DGKB: variants seen among roughly 807,000 people sequenced by gnomAD.
The protein encoded by DGKB is diacylglycerol kinase beta, also known as 90 kDa diacylglycerol kinase.
A neutral mutation model predicts 114.3 loss-of-function variants in DGKB; 67 were observed. That is an observed-to-expected ratio of 0.59 (90% CI 0.48 to 0.72). The LOEUF is 0.72. Among genes scored for constraint, DGKB ranks in the 30% least tolerant of loss-of-function variants. The pLI is 0.00. For synonymous variants in DGKB, 398 were observed against 323.1 expected (o/e 1.23, Z -2.49); for missense variants, 907 against 975.2 (o/e 0.93, Z 0.93).
intron 23 of DGKB, among the ~76,000 whole-genome samples, chr7:14,248,012 G>A (rs1183634142): frequency 6.6e-6 from 1 of 151,926 alleles, no homozygotes; most frequent in Non-Finnish European, 1.5e-5. Flanking sequence ...ATCCATTTTA[G>A]GTTGATTTTT....
intron 21 of DGKB, among the ~76,000 whole-genome samples, chr7:14,350,005 G>A (rs980515417): frequency 6.6e-6 from 1 of 152,074 alleles, no homozygotes; most frequent in Non-Finnish European, 1.5e-5. Context: ...AGTTATTCAT[G>A]TAATTATTAT....
At chr7:14,524,806 A>G (rs1384695965) in intron 20 of DGKB, among the ~76,000 whole-genome samples, 2 of 151,874 alleles carry the variant, frequency 1.3e-5, no homozygotes, top group African/African-American at 2.4e-5. Context: ...CTCTTTCCTG[A>G]TAAGACCACG....
chr7:14,662,023 G>C (rs1051734750), intron 13 of DGKB, among the ~76,000 whole-genome samples: 1 of 152,022 alleles, frequency 6.6e-6, no homozygotes, highest in Non-Finnish European at 1.5e-5. Context: ...CATGGACACA[G>C]GAAGGGGAAC....
chr7:14,189,419 A>G (rs2079459), intron 23 of DGKB, among the ~76,000 whole-genome samples: 28,738 of 152,104 alleles, frequency 0.19, 2,938 homozygotes, highest in African/African-American at 0.25. Context: ...AGACAATCAA[A>G]TGAGAATGAG....
intron 15 of DGKB, among the ~76,000 whole-genome samples, chr7:14,616,936 G>T (rs1273463706): frequency 6.6e-6 from 1 of 151,754 alleles, no homozygotes; most frequent in Non-Finnish European, 1.5e-5. Flanking sequence ...GGGTATTCCA[G>T]GAGACTGTTC....
intron 23 of DGKB, among the ~76,000 whole-genome samples, chr7:14,241,320 C>G (rs1279332059): frequency 6.6e-6 from 1 of 152,094 alleles, no homozygotes; most frequent in African/African-American, 2.4e-5. Flanking sequence ...AATTTTCTTT[C>G]ATGGCTATCT....
chr7:14,526,629 T>G (rs545628370), intron 20 of DGKB, among the ~76,000 whole-genome samples: 2 of 152,164 alleles, frequency 1.3e-5, no homozygotes, highest in Non-Finnish European at 2.9e-5. Flanking sequence ...TGTAAAGATA[T>G]GTAAGAGAGT....
At chr7:14,392,970 C>T (rs1480676521) in intron 21 of DGKB, among the ~76,000 whole-genome samples, 5 of 100,536 alleles carry the variant, frequency 5.0e-5, no homozygotes, top group Admixed American at 9.9e-5. Flanking sequence ...ACCTGAGGGC[C>T]AAAACAGACC....
At chr7:14,290,716 C>T (rs535311007) in intron 23 of DGKB, among the ~76,000 whole-genome samples, 1 of 152,224 alleles carries the variant, frequency 6.6e-6, no homozygotes, top group Admixed American at 6.5e-5. Flanking sequence ...GTCAACAGGT[C>T]ATACAAGCAA....
At chr7:14,556,572 A>C (rs942732737) in intron 20 of DGKB, among the ~76,000 whole-genome samples, 3 of 152,110 alleles carry the variant, frequency 2.0e-5, no homozygotes, top group African/African-American at 7.2e-5. Flanking sequence ...TTGATTTATT[A>C]AAAAAGCTTA....
intron 1 of DGKB, among the ~76,000 whole-genome samples, chr7:14,929,429 T>A (rs113467687): frequency 0.012 from 1,790 of 151,886 alleles, 43 homozygotes; most frequent in African/African-American, 0.041. Flanking sequence ...GCCATTCTGA[T>A]CGGAGTAAGG....
rs986168989 is a variant in DGKB, at chr7:14,159,484, T to C, written c.2305-10246A>G. Among the ~76,000 whole-genome samples, 4 of 152,292 alleles carry C rather than the reference T, an allele frequency of 2.6e-5. No homozygotes were observed. In the South Asian group the frequency reaches 8.3e-4, roughly 32 times the overall value. ...TTCCTTCACAGACCTTATATCATTA[T>C]TGAAATTTTATATTTGTGGGACTAT... On this transcript the variant is annotated intron_variant, in intron 25 of 25. Coordinates refer to ENST00000402815, the MANE Select transcript of DGKB (RefSeq NM_001350709.2).
chr7:14,533,380 A>G (rs1441313985), intron 20 of DGKB, among the ~76,000 whole-genome samples: 1 of 151,836 alleles, frequency 6.6e-6, no homozygotes, highest in Non-Finnish European at 1.5e-5. Flanking sequence ...AAATAGACTG[A>G]ATAAAGCTTA....
chr7:14,216,289 A>G (rs942338518), intron 23 of DGKB, among the ~76,000 whole-genome samples: 2 of 152,176 alleles, frequency 1.3e-5, no homozygotes, highest in Non-Finnish European at 2.9e-5. Flanking sequence ...AAATATCAGT[A>G]ACTATTACTC....
intron 21 of DGKB, among the ~76,000 whole-genome samples, chr7:14,367,621 T>C (rs529521912): frequency 1.3e-5 from 2 of 152,186 alleles, no homozygotes; most frequent in East Asian, 3.9e-4. Flanking sequence ...ACGATGCTTA[T>C]ATGATGTTAG....
chr7:14,374,728 A>C (rs1394302497), intron 21 of DGKB, among the ~76,000 whole-genome samples: 1 of 152,144 alleles, frequency 6.6e-6, no homozygotes, highest in East Asian at 1.9e-4. Context: ...TCTCAATCTC[A>C]ATACTATTTA....
chr7:14,377,824 A>G (rs548917673), intron 21 of DGKB, among the ~76,000 whole-genome samples: 1 of 152,248 alleles, frequency 6.6e-6, no homozygotes, highest in East Asian at 1.9e-4. Flanking sequence ...TTCCCAGGGT[A>G]GGTTATACTC....
chr7:14,335,781 C>A (rs899704372), intron 23 of DGKB, among the ~76,000 whole-genome samples: 3 of 151,902 alleles, frequency 2.0e-5, no homozygotes, highest in Non-Finnish European at 4.4e-5. Flanking sequence ...GAGACAGAGT[C>A]CTTGCTCCAT....
At chr7:14,200,576 A>G (rs1344469162) in intron 23 of DGKB, among the ~76,000 whole-genome samples, 1 of 152,034 alleles carries the variant, frequency 6.6e-6, no homozygotes, top group Admixed American at 6.6e-5. Context: ...ATTTTCTTAT[A>G]CATATTGTTT....
Sources: allele counts gnomAD v4.1 joint callset (sites outside exome capture counted in the v4.1 genomes callset), GRCh38; gene constraint gnomAD v4.1.1; transcripts MANE v1.5; gene names NCBI Gene and HGNC (gene_info 2026-07-23, HGNC 2026-07-21).